HERC1: variants seen among roughly 807,000 people sequenced by gnomAD.
HERC1 encodes the protein HECT and RLD domain containing E3 ubiquitin protein ligase family member 1, also known as probable E3 ubiquitin-protein ligase HERC1.
HERC1 carries 160 observed loss-of-function variants against 554.3 expected under a neutral mutation model. The observed-to-expected ratio is 0.29, with a 90% CI of 0.25 to 0.33. The LOEUF is 0.33. HERC1 is among the 10% of genes least tolerant of loss of function. The pLI, the probability that HERC1 is intolerant of heterozygous loss-of-function variation, is 1.00. For missense variants in HERC1, 4,919 were observed against 5,918.5 expected (o/e 0.83, Z 5.54); for synonymous variants, 2,175 against 2,131.7 (o/e 1.02, Z -0.56).
At chr15:63,637,012 T>C in intron 64 of HERC1, 1 of 403,914 alleles carries the variant, frequency 2.5e-6, no homozygotes, top group Non-Finnish European at 4.9e-6. Context: ...GGTGCTCTCT[T>C]TGTAGGCTTC....
intron 14 of HERC1, among the ~76,000 whole-genome samples, chr15:63,730,541 T>A (rs2140959129): frequency 6.6e-6 from 1 of 152,286 alleles, no homozygotes; most frequent in African/African-American, 2.4e-5. Flanking sequence ...GAGGAAGGGC[T>A]GGGGTCAGAA....
intron 55 of HERC1, among the ~76,000 whole-genome samples, chr15:63,646,222 T>A (rs530023366): frequency 6.6e-6 from 1 of 152,326 alleles, no homozygotes; most frequent in African/African-American, 2.4e-5. Flanking sequence ...GATGGTCCTG[T>A]AAATATCTGA....
intron 2 of HERC1, 102 bp from the exon 3 acceptor site, chr15:63,764,293 T>C: frequency 1.3e-6 from 1 of 748,712 alleles, no homozygotes. Context: ...TGAAGACCTG[T>C]TTATATAATT....
chr15:63,695,852 C>T (rs2072380137), intron 27 of HERC1, among the ~76,000 whole-genome samples: 1 of 152,192 alleles, frequency 6.6e-6, no homozygotes, highest in South Asian at 2.1e-4. Context: ...ACTCCAATCC[C>T]TATCCTTACT....
Position 63,680,809 on chromosome 15 carries a change from A to G in HERC1, c.6226-33T>C, listed in dbSNP as rs1254051219. The G allele has an allele frequency of 6.7e-7, 1 of 1,490,554 alleles. No individual in the cohort carries two copies. Among genetic ancestry groups the G allele is most frequent in the African/African-American group, 1.4e-5 (1 of 72,384 alleles). The allele number at this position is 1,490,554 out of a possible 1,614,324, so 92.3% of individuals were successfully genotyped here. On this transcript the variant is annotated intron_variant, in intron 34 of 77. Coordinates refer to ENST00000443617, the MANE Select transcript of HERC1 (RefSeq NM_003922.4). The surrounding 1 kb of genome is among the most constrained non-coding windows in gnomAD (Gnocchi z 5.8). ...AAAAGTGGGATATTCATTAATACTC[A>G]AAAAATCTATTTATATACTATTAAC...
rs956147220 is a variant in HERC1, at chr15:63,645,587, T to C, written c.10974A>G (p.Gly3658=). The C allele has an allele frequency of 6.2e-7, 1 of 1,613,414 alleles. No homozygotes were observed. Among genetic ancestry groups the C allele is most frequent in the Middle Eastern group, 1.6e-4 (1 of 6,062 alleles). The change falls in exon 56 of 78, where the codon GGA becomes GGG. Residue 3658 remains glycine (G), a synonymous_variant. Transcript: ENST00000443617. ...AGAGTGAATGTAGACAGCACCAGCA[T>C]CCCGAAATAGAGCCCCAGAGTTTCA... ...DSVKLWGSIS[G]CWCCLHSLCH... is the part of the protein sequence containing the mutation.
rs1361516047 is a variant in HERC1 at position 63,758,987 on chromosome 15, C to A, written c.1027-618G>T. Among the ~76,000 whole-genome samples the A allele has an allele frequency of 6.6e-6, 1 of 152,114 alleles. No individual in the cohort carries two copies. The highest frequency in any genetic ancestry group is 1.5e-5 in the Non-Finnish European group (1 of 68,032). On this transcript the variant is annotated intron_variant, in intron 3 of 77. Coordinates refer to ENST00000443617, the MANE Select transcript of HERC1 (RefSeq NM_003922.4). The surrounding 1 kb of genome is among the most constrained non-coding windows in gnomAD (Gnocchi z 4.0). ...CAAGCAATCCTCCCACCTCAGCCCC[C>A]CAAGTAGCTGAGATTACAGGCATGC...
At chr15:63,751,355 C>A (rs929558344) in intron 8 of HERC1, among the ~76,000 whole-genome samples, 1 of 152,128 alleles carries the variant, frequency 6.6e-6, no homozygotes, top group Non-Finnish European at 1.5e-5. Context: ...AGTCTAGGAG[C>A]GTAGTAGGCT....
chr15:63,715,863 G>C (rs1227885757), intron 22 of HERC1, among the ~76,000 whole-genome samples: 1 of 152,210 alleles, frequency 6.6e-6, no homozygotes, highest in Non-Finnish European at 1.5e-5. Flanking sequence ...AGTGTAGTCA[G>C]TGGGTGAAAT....
chr15:63,737,516 G>GATATATAT (rs754808106), intron 12 of HERC1, among the ~76,000 whole-genome samples: 7 of 46,442 alleles, frequency 1.5e-4, no homozygotes, highest in Admixed American at 2.7e-4. Context: ...CTTTTTTCCA[G>GATATATAT]ATATATATAT....
In HERC1 at chr15:63,698,817, C is replaced by T; in HGVS notation, c.4816G>A (p.Ala1606Thr). 1 of 1,613,844 alleles carries T rather than the reference C, an allele frequency of 6.2e-7. No homozygotes were observed. Among genetic ancestry groups the T allele is most frequent in the Non-Finnish European group, 8.5e-7 (1 of 1,179,788 alleles). ...VSFVSGDVGN[A>T]PGFKEPEESM... ...TCCTCTGGCTCTTTAAAACCTGGGGCATTCCCCACATCTCCACTCACAAAG... is the reference window on the plus strand; with the variant it reads ...TCCTCTGGCTCTTTAAAACCTGGGGTATTCCCCACATCTCCACTCACAAAG... Residue 1606 changes from alanine to threonine, a missense_variant, in exon 26 of 78, where the codon GCC (alanine) becomes ACC (threonine). Transcript: ENST00000443617.
In HERC1 at chr15:63,658,796, C is replaced by T. The variant is rs981068567; in HGVS notation, c.9425-78G>A. The T allele has an allele frequency of 6.8e-6, 8 of 1,175,518 alleles. No homozygotes were observed. The African/African-American group carries it at 1.2e-4, about 18-fold the overall frequency. 72.8% of individuals were successfully genotyped at this position (1,175,518 alleles called of 1,614,324 possible). A position where few individuals can be genotyped will look rare whatever the true frequency, so the allele number is the denominator to read the frequency against. On this transcript the variant is annotated intron_variant, in intron 47 of 77. Coordinates refer to ENST00000443617, the MANE Select transcript of HERC1 (RefSeq NM_003922.4). ...TGAACTACTAAAAACATTTCCTATT[C>T]TACAGAGGTTCCATAACAAACCAAT...
intron 1 of HERC1, among the ~76,000 whole-genome samples, chr15:63,779,295 C>T (rs910541073): frequency 1.3e-5 from 2 of 151,994 alleles, no homozygotes; most frequent in African/African-American, 4.8e-5. Flanking sequence ...CAATCAACTC[C>T]AAGAAATAGC....
chr15:63,619,845 C>T (rs1177853678), intron 74 of HERC1, among the ~76,000 whole-genome samples: 1 of 152,030 alleles, frequency 6.6e-6, no homozygotes, highest in African/African-American at 2.4e-5. Context: ...GTGATATCCC[C>T]TTTGTCATTT....
At chr15:63,782,768 C>T (rs191050591) in intron 1 of HERC1, among the ~76,000 whole-genome samples, 8 of 152,304 alleles carry the variant, frequency 5.3e-5, no homozygotes, top group Admixed American at 3.9e-4. Flanking sequence ...CCATTAAGAG[C>T]ATCCATGGTT....
Position 63,727,568 on chromosome 15 carries a change from A to T in HERC1, c.3346+79T>A. The stretch of plus-strand genomic sequence containing the variant: ...ATAGCCTTAGGATAGATAGACTCCA[A>T]TGGAAAAACACAGTGATGTGTGCAA... On this transcript the variant is annotated intron_variant, in intron 17 of 77. Coordinates refer to ENST00000443617, the MANE Select transcript of HERC1 (RefSeq NM_003922.4). The surrounding 1 kb of genome is among the most constrained non-coding windows in gnomAD (Gnocchi z 4.3). 9.8e-7 allele frequency: 1 copy of T among 1,018,622 alleles called. No homozygotes were observed. Among genetic ancestry groups the T allele is most frequent in the Non-Finnish European group, 1.4e-6 (1 of 693,974 alleles). 63.1% of individuals were successfully genotyped at this position (1,018,622 alleles called of 1,614,324 possible).
Position 63,655,961 on chromosome 15 carries a change from G to A in HERC1, c.9871-6C>T, listed in dbSNP as rs1205287481. 7 of 1,606,252 alleles carry A rather than the reference G, an allele frequency of 4.4e-6. No individual in the cohort carries two copies. The highest frequency in any genetic ancestry group is 5.1e-6 in the Non-Finnish European group (6 of 1,175,200). On this transcript the variant is annotated splice_region_variant and splice_polypyrimidine_tract_variant and intron_variant, in intron 49 of 77. Transcript: ENST00000443617. The stretch of plus-strand genomic sequence containing the variant: ...GTTGCAGCAGAAATCAAGTTCTGAA[G>A]AAGCAATTGGAAAAACAGACTTAAT...
chr15:63,764,210 G>A lies in HERC1; in HGVS notation c.931-19C>T, dbSNP rs773818237. On this transcript the variant is annotated intron_variant, in intron 2 of 77. Transcript: ENST00000443617. ...ATGAACCCTATAATTAAAACATTGC[G>A]GGACACAGCGTAGGAAGGGGAGAGA... is the stretch of plus-strand genomic sequence containing the variant. 2.4e-5 allele frequency: 37 copies of A among 1,534,346 alleles called. No individual in the cohort carries two copies. Among genetic ancestry groups the A allele is most frequent in the Non-Finnish European group, 3.0e-5 (33 of 1,114,482 alleles).
At chr15:63,819,736 A>G (rs1022881610) in intron 1 of HERC1, among the ~76,000 whole-genome samples, 3 of 152,152 alleles carry the variant, frequency 2.0e-5, no homozygotes, top group Non-Finnish European at 4.4e-5. Context: ...CAATACTTGG[A>G]TGGGGTTTTC....
Sources: allele counts gnomAD v4.1 joint callset (sites outside exome capture counted in the v4.1 genomes callset), GRCh38; gene constraint gnomAD v4.1.1; non-coding constraint Gnocchi (gnomAD v3.1); transcripts MANE v1.5; gene names NCBI Gene and HGNC (gene_info 2026-07-23, HGNC 2026-07-21).